Variants in TVP23A observed in about 807,000 individuals in gnomAD.
TVP23A encodes the protein Golgi apparatus membrane protein TVP23 homolog A.
Under a neutral mutation model 31.7 loss-of-function variants are expected in TVP23A, and 21 were observed. The ratio of observed to expected loss-of-function variants is 0.66; its 90% CI spans 0.47 to 0.95. TVP23A has a LOEUF of 0.95. Among genes scored for constraint, TVP23A ranks in the 40% least tolerant of loss-of-function variants. The pLI, the probability that TVP23A is intolerant of heterozygous loss-of-function variation, is 0.00. For synonymous variants in TVP23A, 104 were observed against 96.0 expected (o/e 1.08, Z -0.49); for missense variants, 279 against 255.6 (o/e 1.09, Z -0.62).
At chr16:10,775,719 T>C (rs1266308302) in intron 2 of TVP23A, among the ~76,000 whole-genome samples, 1 of 151,086 alleles carries the variant, frequency 6.6e-6, no homozygotes, top group East Asian at 1.9e-4. Context: ...AAGGGGAACA[T>C]GCTCATCCTG....
At chr16:10,774,176 C>T (rs755071573) in intron 3 of TVP23A, 48 bp from the exon 4 acceptor site, 7 of 1,426,434 alleles carry the variant, frequency 4.9e-6, no homozygotes, top group Non-Finnish European at 3.9e-6. Flanking sequence ...GGCAAAGAGG[C>T]TTATTCACTG....
At chr16:10,811,262 T>A (rs1022740100) in intron 2 of TVP23A, among the ~76,000 whole-genome samples, 2 of 152,102 alleles carry the variant, frequency 1.3e-5, no homozygotes, top group Admixed American at 1.3e-4. Flanking sequence ...GTGAATTATA[T>A]TTCTTTTTAT....
At chr16:10,811,763 G>T (rs1171224274) in intron 2 of TVP23A, among the ~76,000 whole-genome samples, 1 of 151,836 alleles carries the variant, frequency 6.6e-6, no homozygotes, top group Non-Finnish European at 1.5e-5. Flanking sequence ...AGTTAGCCGG[G>T]CATGGTGGCT....
downstream of TVP23A, chr16:10,765,124 C>T (rs1204694041): frequency 6.5e-6 from 1 of 153,518 alleles, no homozygotes; most frequent in East Asian, 1.9e-4. The surrounding 1 kb of genome is among the most constrained non-coding windows in gnomAD (Gnocchi z 4.0). Context: ...AGCATGGCAG[C>T]TGCTGCCAGA....
At chr16:10,773,599 C>T (rs1232447424) in intron 4 of TVP23A, among the ~76,000 whole-genome samples, 158 bp from the exon 5 acceptor site, 1 of 152,104 alleles carries the variant, frequency 6.6e-6, no homozygotes, top group Non-Finnish European at 1.5e-5. Flanking sequence ...GAGACAAAGT[C>T]TCATTGTGTC....
rs2032167449 is a variant in TVP23A at position 10,777,976 on chromosome 16, A to G, written c.90-2880T>C. 6.6e-6 allele frequency among the ~76,000 whole-genome samples: 1 copy of G among 151,758 alleles called. No individual in the cohort carries two copies. The highest frequency in any genetic ancestry group is 2.1e-4 in the South Asian group (1 of 4,798). ...CAGTGAGTTGAGATCGTACTACTGCACTCCAGCCTGGTGACAGAGCGAGAC... is the reference window on the plus strand; with the variant it reads ...CAGTGAGTTGAGATCGTACTACTGCGCTCCAGCCTGGTGACAGAGCGAGAC... On this transcript the variant is annotated intron_variant, in intron 2 of 7. Transcript: ENST00000299866. This position sits in a 1 kb window ranked among gnomAD's most constrained non-coding sequence, Gnocchi z 4.5.
chr16:10,761,133 T>A (rs1337368907), downstream of TVP23A: 1 of 420,086 alleles, frequency 2.4e-6, no homozygotes, highest in African/African-American at 2.0e-5. Flanking sequence ...GCCCCCATGA[T>A]CCAATCACCT....
At chr16:10,786,564 G>A in intron 2 of TVP23A, among the ~76,000 whole-genome samples, 1 of 152,126 alleles carries the variant, frequency 6.6e-6, no homozygotes, top group Middle Eastern at 3.4e-3. Context: ...AAACCTTCCT[G>A]CTTCTCAGTA....
At chr16:10,813,666 G>A (rs1379243558) in intron 2 of TVP23A, among the ~76,000 whole-genome samples, 1 of 152,096 alleles carries the variant, frequency 6.6e-6, no homozygotes, top group Non-Finnish European at 1.5e-5. Context: ...ATAGTTTTCA[G>A]AGGTTTCCTG....
chr16:10,797,908 C>G (rs2033479468), intron 2 of TVP23A, among the ~76,000 whole-genome samples: 1 of 147,846 alleles, frequency 6.8e-6, no homozygotes, highest in African/African-American at 2.5e-5. Flanking sequence ...CTGTATTATT[C>G]TATTTTGTAT....
chr16:10,761,664 CTT>C (rs36097495), intron 8 of TVP23A: 8,093 of 898,142 alleles, frequency 9.0e-3, no homozygotes, highest in Non-Finnish European at 0.011. Flanking sequence ...CAAACTAAGC[CTT>C]TTTTTTTTTT....
In TVP23A at chr16:10,798,131, AT is replaced by A. The variant is rs571506029; in HGVS notation, c.89+19971del. The stretch of plus-strand genomic sequence containing the variant: ...CCACCACGCCCAGCTAATTTTTTGT[AT>A]TTTTTTTTTAGTAGAGACGGGTTTC... On this transcript the variant is annotated intron_variant, in intron 2 of 7. Coordinates refer to ENST00000299866, the MANE Select transcript of TVP23A (RefSeq NM_001079512.4). Among the ~76,000 whole-genome samples the A allele has an allele frequency of 1.2e-3, 178 of 144,166 alleles. 2 individuals are homozygous for A. The highest frequency in any genetic ancestry group is 6.6e-3 in the South Asian group (30 of 4,528). The allele number at this position is 144,166 out of a possible 152,430, so 94.6% of individuals were successfully genotyped here. A position where few individuals can be genotyped will look rare whatever the true frequency, so the allele number is the denominator to read the frequency against.
intron 2 of TVP23A, among the ~76,000 whole-genome samples, chr16:10,814,632 G>A (rs562001940): frequency 6.6e-6 from 1 of 151,732 alleles, no homozygotes; most frequent in South Asian, 2.1e-4. Flanking sequence ...CTTCCATGGT[G>A]ACCGAACTCT....
rs776063165 is a variant in TVP23A at position 10,774,947 on chromosome 16, C to T, written c.234+5G>A. The T allele has an allele frequency of 8.1e-6, 13 of 1,611,950 alleles. No homozygotes were observed. The East Asian group carries it at 2.9e-4, about 36-fold the overall frequency. On this transcript the variant is annotated splice_donor_5th_base_variant and intron_variant, in intron 3 of 7. Transcript: ENST00000299866. ...AAGTGATGACATCACACGAAAGGGC[C>T]TCACCTTCACAGACCAGAAGTCCAG... is the stretch of plus-strand genomic sequence containing the variant.
At position 10,767,108 on chromosome 16, in the gene TVP23A, G is replaced by A. The variant is rs554641922; in HGVS notation, c.*1994C>T. The A allele has an allele frequency of 2.2e-4, 87 of 398,762 alleles. No homozygotes were observed. The highest frequency in any genetic ancestry group is 1.3e-3 in the Admixed American group (30 of 22,744). The allele number at this position is 398,762 out of a possible 1,614,324, so 24.7% of individuals were successfully genotyped here. On this transcript the variant is annotated 3_prime_UTR_variant, in exon 8 of 8. Transcript: ENST00000299866. The surrounding 1 kb of genome is among the most constrained non-coding windows in gnomAD (Gnocchi z 4.6). The stretch of plus-strand genomic sequence containing the variant: ...TGGGGTTCACCTGAGGCTGGTGACC[G>A]GCCATGGGCAGTGCAGTCACTTGCC...
chr16:10,768,872 G>A lies in TVP23A; in HGVS notation c.*230C>T, dbSNP rs1455846500. 27 of 586,916 alleles carry A rather than the reference G, an allele frequency of 4.6e-5. No individual in the cohort carries two copies. The Admixed American group carries it at 8.3e-4, about 18-fold the overall frequency. The allele number at this position is 586,916 out of a possible 1,614,324, so 36.4% of individuals were successfully genotyped here. On this transcript the variant is annotated 3_prime_UTR_variant, in exon 8 of 8. Transcript: ENST00000299866. The surrounding 1 kb of genome is among the most constrained non-coding windows in gnomAD (Gnocchi z 4.3). The stretch of plus-strand genomic sequence containing the variant: ...CCACTGGTTATGAGCAAGATGGGTA[G>A]TGTGAGGTATTCCGGTCACTTTCAA...
intron 2 of TVP23A, among the ~76,000 whole-genome samples, chr16:10,795,181 C>G (rs2033317426): frequency 6.6e-6 from 1 of 151,918 alleles, no homozygotes; most frequent in Non-Finnish European, 1.5e-5. Flanking sequence ...GAAAGAGGCT[C>G]CCACTGGCCA....
In TVP23A at chr16:10,789,772, A is replaced by C. The variant is rs1262473757; in HGVS notation, c.90-14676T>G. Among the ~76,000 whole-genome samples the C allele has an allele frequency of 4.0e-5, 6 of 150,374 alleles. No individual in the cohort carries two copies. In the Middle Eastern group the frequency reaches 0.017, roughly 429 times the overall value. ...CTTGAACCCAAGAGGTAGAGGTTGC[A>C]GTGAACTAAGATTGTGCCACTGCAC... On this transcript the variant is annotated intron_variant, in intron 2 of 7. Coordinates refer to ENST00000299866, the MANE Select transcript of TVP23A (RefSeq NM_001079512.4).
At chr16:10,784,895 A>G (rs1210660184) in intron 2 of TVP23A, among the ~76,000 whole-genome samples, 13 of 140,092 alleles carry the variant, frequency 9.3e-5, no homozygotes, top group East Asian at 6.5e-4. Context: ...GAGGTCAGGA[A>G]TTCAAGACCA....
Sources: allele counts gnomAD v4.1 joint callset (sites outside exome capture counted in the v4.1 genomes callset), GRCh38; gene constraint gnomAD v4.1.1; non-coding constraint Gnocchi (gnomAD v3.1); transcripts MANE v1.5; gene names NCBI Gene and HGNC (gene_info 2026-07-23, HGNC 2026-07-21).